Variants in BZW2 observed in about 807,000 individuals in gnomAD.
BZW2 encodes the protein eIF5-mimic protein 1.
BZW2 carries 23 observed loss-of-function variants against 53.2 expected under a neutral mutation model. The observed-to-expected ratio is 0.43, with a 90% confidence interval of 0.31 to 0.61. The LOEUF (loss-of-function observed/expected upper bound fraction) is 0.61. Among genes scored for constraint, BZW2 ranks in the 20% least tolerant of loss-of-function variants. BZW2 has a pLI of 0.09. For missense variants in BZW2, 409 were observed against 503.1 expected (o/e 0.81, Z 1.79); for synonymous variants, 227 against 186.4 (o/e 1.22, Z -1.77).
At chr7:16,652,544 T>G (rs1782010932) in intron 1 of BZW2, among the ~76,000 whole-genome samples, 1 of 152,172 alleles carries the variant, frequency 6.6e-6, no homozygotes, top group African/African-American at 2.4e-5. Context: ...GAGACGGAGT[T>G]TCGCTGTTGT....
chr7:16,693,522 C>A (rs1269942172), intron 7 of BZW2, among the ~76,000 whole-genome samples: 1 of 152,194 alleles, frequency 6.6e-6, no homozygotes, highest in African/African-American at 2.4e-5. Context: ...GCACACAGCT[C>A]TGTTCTTAAA....
intron 3 of BZW2, among the ~76,000 whole-genome samples, chr7:16,677,559 C>T (rs536983604): frequency 2.4e-3 from 361 of 152,106 alleles, no homozygotes; most frequent in Non-Finnish European, 4.6e-3. Flanking sequence ...GCTAGCAGGC[C>T]GGTCCAGGGG....
At chr7:16,672,626 TG>T (rs1194805341) in intron 2 of BZW2, among the ~76,000 whole-genome samples, 2 of 152,120 alleles carry the variant, frequency 1.3e-5, no homozygotes, top group Non-Finnish European at 2.9e-5. Context: ...TCCATGGGTT[TG>T]GAAAAAAAGG....
chr7:16,696,085 A>T (rs569583387), intron 8 of BZW2: 2 of 151,958 alleles, frequency 1.3e-5, no homozygotes, highest in South Asian at 4.2e-4. Context: ...GCATTTCTAC[A>T]CTCCAGGCCA....
chr7:16,679,885 T>TAG, intron 3 of BZW2, among the ~76,000 whole-genome samples: 1 of 152,328 alleles, frequency 6.6e-6, no homozygotes, highest in Non-Finnish European at 1.5e-5. Context: ...TTCCTAATGT[T>TAG]CTCATTCTGC....
At chr7:16,688,257 C>T (rs1583739895) in intron 6 of BZW2, among the ~76,000 whole-genome samples, 1 of 152,254 alleles carries the variant, frequency 6.6e-6, no homozygotes, top group East Asian at 1.9e-4. Flanking sequence ...GTATTTTTCT[C>T]CTGTTATCAT....
chr7:16,678,241 G>A (rs818512), intron 3 of BZW2, among the ~76,000 whole-genome samples: 34,384 of 151,284 alleles, frequency 0.23, 4,199 homozygotes, highest in East Asian at 0.38. Context: ...ATTTTAGTAG[G>A]GATGGGGTTT....
At chr7:16,700,155 G>A (rs1309838729) in intron 10 of BZW2, among the ~76,000 whole-genome samples, 2 of 152,180 alleles carry the variant, frequency 1.3e-5, no homozygotes, top group Non-Finnish European at 2.9e-5. Context: ...ACACATCACT[G>A]AACTAACATT....
rs1340044974 is a variant in BZW2, at chr7:16,665,490, C to T, written c.47C>T (p.Thr16Ile). 2 of 1,613,222 alleles carry T rather than the reference C, an allele frequency of 1.2e-6. No individual in the cohort carries two copies. The highest frequency in any genetic ancestry group is 1.7e-6 in the Non-Finnish European group (2 of 1,179,984). The change falls in exon 2 of 12, where the codon ACT becomes ATT. Residue 16 changes from threonine to isoleucine, a missense_variant. By Grantham distance (89) the Thr-to-Ile change is moderately conservative (BLOSUM62 -1). Around this residue, in one of 3 missense-constraint regions of BZW2, gnomAD observed 316 missense variants for 366.8 expected, o/e 0.86. Coordinates refer to ENST00000258761, the MANE Select transcript of BZW2 (RefSeq NM_014038.3). ...GTGCTAACAGGCCAGCGGTTCAAAA[C>T]TCGGAAAAGGGGTAGGTTGTGTGTG... ...KPVLTGQRFK[T>I]RKRDEKEKFE...
At chr7:16,646,871 G>A (rs1417030428) in intron 1 of BZW2, among the ~76,000 whole-genome samples, 1 of 152,200 alleles carries the variant, frequency 6.6e-6, no homozygotes. Flanking sequence ...ATGAGAGACA[G>A]CCTGTGGGAG....
At chr7:16,705,973 AGGGTTCTGGGTTGGTG>A in intron 11 of BZW2, 71 bp from the exon 12 acceptor site, 1 of 1,460,686 alleles carries the variant, frequency 6.8e-7, no homozygotes, top group South Asian at 1.2e-5. Context: ...GTGCAATGGC[AGGGTTCTGGGTTGGTG>A]ACTGTAGTAA....
rs762864044 is a variant in BZW2 at position 16,706,046 on chromosome 7, T to C, written c.1232-14T>C. 4 of 1,613,686 alleles carry C rather than the reference T, an allele frequency of 2.5e-6. No homozygotes were observed. In the African/African-American group the frequency reaches 5.3e-5, roughly 22 times the overall value. On this transcript the variant is annotated splice_polypyrimidine_tract_variant and intron_variant, in intron 11 of 11. Transcript: ENST00000258761. The stretch of plus-strand genomic sequence containing the variant: ...ATCTGGGAGGAAATATCTCACTTCT[T>C]TCTTCTCTCCTAGAATCCGAATCGG...
intron 5 of BZW2, among the ~76,000 whole-genome samples, chr7:16,684,048 G>A (rs1055714231): frequency 1.3e-5 from 2 of 152,212 alleles, no homozygotes; most frequent in African/African-American, 4.8e-5. Flanking sequence ...TGTCACCACA[G>A]TATTGAAAAA....
At chr7:16,704,331 A>G (rs1201803816) in intron 10 of BZW2, among the ~76,000 whole-genome samples, 1 of 152,222 alleles carries the variant, frequency 6.6e-6, no homozygotes, top group Non-Finnish European at 1.5e-5. Flanking sequence ...CATGCCTAAG[A>G]AGATGTATAT....
In BZW2 at chr7:16,659,853, T is replaced by A. The variant is rs1435832000; in HGVS notation, c.-7-5584T>A. Among the ~76,000 whole-genome samples the A allele has an allele frequency of 3.8e-5, 5 of 132,662 alleles. No individual in the cohort carries two copies. The East Asian group carries it at 9.8e-4, about 26-fold the overall frequency. The allele number at this position is 132,662 out of a possible 152,430, so 87.0% of individuals were successfully genotyped here. ...TATAATTTTTGTTTTTATTTTTTTATTTTTTTTTTTATTATACTTTAAGTT... is the reference window on the plus strand; with the variant it reads ...TATAATTTTTGTTTTTATTTTTTTAATTTTTTTTTTATTATACTTTAAGTT... On this transcript the variant is annotated intron_variant, in intron 1 of 11. Coordinates refer to ENST00000258761, the MANE Select transcript of BZW2 (RefSeq NM_014038.3).
At chr7:16,677,445 C>T (rs182053663) in intron 3 of BZW2, among the ~76,000 whole-genome samples, 7 of 152,250 alleles carry the variant, frequency 4.6e-5, no homozygotes, top group Non-Finnish European at 7.4e-5. Flanking sequence ...GGTTGGCCAA[C>T]GACCGCTCTA....
At chr7:16,682,360 C>T (rs1346030122) in intron 4 of BZW2, among the ~76,000 whole-genome samples, 1 of 152,172 alleles carries the variant, frequency 6.6e-6, no homozygotes, top group Non-Finnish European at 1.5e-5. Flanking sequence ...ACGTTTTGCT[C>T]ATCTGCTAGA....
chr7:16,702,008 G>A (rs558253745), intron 10 of BZW2, among the ~76,000 whole-genome samples: 4 of 152,184 alleles, frequency 2.6e-5, no homozygotes, highest in East Asian at 3.9e-4. Flanking sequence ...GAAGAAGTTG[G>A]CCAGATAGAA....
At chr7:16,667,259 C>A (rs1256141482) in intron 2 of BZW2, among the ~76,000 whole-genome samples, 10 of 128,270 alleles carry the variant, frequency 7.8e-5, no homozygotes, top group Admixed American at 3.6e-4. Context: ...GCAGCCTGGG[C>A]AACGAGTGAA....
Sources: allele counts gnomAD v4.1 joint callset (sites outside exome capture counted in the v4.1 genomes callset), GRCh38; gene constraint gnomAD v4.1.1; regional missense constraint gnomAD v4.1.1; transcripts MANE v1.5; gene names NCBI Gene and HGNC (gene_info 2026-07-23, HGNC 2026-07-21).